Variants in GRIK1 observed in about 807,000 individuals in gnomAD.
GRIK1 encodes glutamate ionotropic receptor kainate type subunit 1.
In GRIK1, 69 loss-of-function variants were observed where a neutral mutation model predicts 105.7. The observed-to-expected ratio is 0.65, with a 90% CI of 0.54 to 0.80. The LOEUF is 0.80. Among genes scored for constraint, GRIK1 ranks in the 30% least tolerant of loss-of-function variants. The probability of loss-of-function intolerance (pLI) is 0.00; values close to 1 mark genes in which losing one functional copy is unlikely to be tolerated. For synonymous variants in GRIK1, 438 were observed against 431.3 expected, an observed-to-expected ratio of 1.02 and a Z score of -0.19; for missense variants, 1,109 against 1,167.3, an observed-to-expected ratio of 0.95 and a Z score of 0.73.
chr21:29,723,439 C>T (rs912264299), intron 1 of GRIK1, among the ~76,000 whole-genome samples: 10 of 152,178 alleles, frequency 6.6e-5, no homozygotes, highest in East Asian at 5.8e-4. Flanking sequence ...ATTTATCTTC[C>T]GAGTAGTTTT....
At chr21:29,599,790 CACAA>C (rs543964031) in intron 7 of GRIK1, among the ~76,000 whole-genome samples, 22 of 152,198 alleles carry the variant, frequency 1.4e-4, no homozygotes, top group African/African-American at 2.2e-4. Context: ...AAGACTCTGT[CACAA>C]ACAAACAAAC....
intron 7 of GRIK1, among the ~76,000 whole-genome samples, chr21:29,639,855 C>T (rs972743610): frequency 2.0e-5 from 3 of 152,054 alleles, no homozygotes; most frequent in Non-Finnish European, 4.4e-5. Flanking sequence ...AGCAAATGCT[C>T]GGAGAGCTAA....
At position 29,772,123 on chromosome 21, in the gene GRIK1, A is replaced by T. The variant is rs909183443; in HGVS notation, c.119-78060T>A. Among the ~76,000 whole-genome samples the T allele has an allele frequency of 6.6e-5, 10 of 152,352 alleles. No individual in the cohort carries two copies. The East Asian group carries it at 1.5e-3, about 23-fold the overall frequency. Reference sequence around the variant, plus strand: ...CCTTTTGGAAGATCTGGTTCTTTTTACAGGCACATTTTTTTTCACTTCATT... The same window carrying T: ...CCTTTTGGAAGATCTGGTTCTTTTTTCAGGCACATTTTTTTTCACTTCATT... On this transcript the variant is annotated intron_variant, in intron 1 of 17. Transcript: ENST00000327783.
At chr21:29,571,782 A>T (rs1025032591) in intron 14 of GRIK1, among the ~76,000 whole-genome samples, 1 of 152,224 alleles carries the variant, frequency 6.6e-6, no homozygotes, top group Non-Finnish European at 1.5e-5. Context: ...ACCAGTTTTT[A>T]TCATTTGGGT....
chr21:29,774,444 C>T (rs1335437997), intron 1 of GRIK1, among the ~76,000 whole-genome samples: 2 of 121,724 alleles, frequency 1.6e-5, no homozygotes, highest in East Asian at 2.5e-4. Context: ...CTTTATTTTG[C>T]TCTTTTTTTT....
At chr21:29,812,820 C>A (rs2067047219) in intron 1 of GRIK1, among the ~76,000 whole-genome samples, 1 of 152,126 alleles carries the variant, frequency 6.6e-6, no homozygotes, top group East Asian at 1.9e-4. Flanking sequence ...GATCAGTGTG[C>A]TAAATTTTCC....
intron 1 of GRIK1, among the ~76,000 whole-genome samples, chr21:29,857,802 T>A (rs2068507778): frequency 6.6e-6 from 1 of 152,208 alleles, no homozygotes; most frequent in African/African-American, 2.4e-5. Flanking sequence ...GATTTAAGAT[T>A]TGAGTTATCA....
At chr21:29,647,259 G>A (rs55838877) in intron 6 of GRIK1, among the ~76,000 whole-genome samples, 42 of 152,324 alleles carry the variant, frequency 2.8e-4, no homozygotes, top group Middle Eastern at 3.4e-3. Flanking sequence ...GAGTAACACT[G>A]TAAGGTGTTA....
chr21:29,766,685 G>A (rs185812838), intron 1 of GRIK1, among the ~76,000 whole-genome samples: 118 of 152,214 alleles, frequency 7.8e-4, no homozygotes, highest in Non-Finnish European at 1.4e-3. Context: ...ACAGCTGTTC[G>A]TGAGCATAGT....
At chr21:29,760,157 C>G (rs946808199) in intron 1 of GRIK1, 1 of 152,210 alleles carries the variant, frequency 6.6e-6, no homozygotes, top group African/African-American at 2.4e-5. Flanking sequence ...CTGTTTCTTC[C>G]TAACATGTTG....
chr21:29,781,740 G>T (rs1319668729), intron 1 of GRIK1, among the ~76,000 whole-genome samples: 1 of 115,634 alleles, frequency 8.6e-6, no homozygotes, highest in Admixed American at 1.1e-4. Flanking sequence ...GCGCAATCTC[G>T]GCTCACTGCA....
chr21:29,653,324 T>C (rs1006187547), intron 5 of GRIK1, among the ~76,000 whole-genome samples: 5 of 152,180 alleles, frequency 3.3e-5, no homozygotes, highest in African/African-American at 9.7e-5. Flanking sequence ...ACATTAAACA[T>C]GTGCAAAATT....
intron 1 of GRIK1, among the ~76,000 whole-genome samples, chr21:29,743,188 G>C (rs114765406): frequency 0.015 from 2,318 of 152,238 alleles, 70 homozygotes; most frequent in African/African-American, 0.053. Flanking sequence ...AAGCAAATGT[G>C]GCAGAATGGT....
At chr21:29,573,829 G>A (rs2146224209) in intron 14 of GRIK1, among the ~76,000 whole-genome samples, 1 of 151,056 alleles carries the variant, frequency 6.6e-6, no homozygotes, top group East Asian at 1.9e-4. Flanking sequence ...ACCCAGCCTG[G>A]GCGACAGAGC....
At chr21:29,767,785 A>C (rs970555378) in intron 1 of GRIK1, among the ~76,000 whole-genome samples, 2 of 146,626 alleles carry the variant, frequency 1.4e-5, no homozygotes, top group African/African-American at 5.1e-5. Context: ...GTTCAAGTTA[A>C]TTTCTCCTCA....
chr21:29,633,311 C>T (rs2062324575), intron 7 of GRIK1, among the ~76,000 whole-genome samples: 1 of 152,096 alleles, frequency 6.6e-6, no homozygotes, highest in African/African-American at 2.4e-5. Context: ...TTATCCTGGC[C>T]AACATGGTGA....
At chr21:29,717,637 C>G (rs181441773) in intron 1 of GRIK1, among the ~76,000 whole-genome samples, 1 of 152,208 alleles carries the variant, frequency 6.6e-6, no homozygotes, top group Non-Finnish European at 1.5e-5. Context: ...AATGTCTACA[C>G]CCCCAATTGT....
chr21:29,775,054 C>G (rs1309628291), intron 1 of GRIK1, among the ~76,000 whole-genome samples: 2 of 152,110 alleles, frequency 1.3e-5, no homozygotes, highest in African/African-American at 4.8e-5. Context: ...CATGGTAGCT[C>G]ACGCCTGTAA....
intron 1 of GRIK1, among the ~76,000 whole-genome samples, chr21:29,809,269 T>C (rs2066945548): frequency 6.6e-6 from 1 of 152,194 alleles, no homozygotes; most frequent in Non-Finnish European, 1.5e-5. Flanking sequence ...TGCAATAAAG[T>C]GAATATTGCA....
Sources: allele counts gnomAD v4.1 joint callset (sites outside exome capture counted in the v4.1 genomes callset), GRCh38; gene constraint gnomAD v4.1.1; transcripts MANE v1.5; gene names NCBI Gene and HGNC (gene_info 2026-07-23, HGNC 2026-07-21).